C2orf76: variants seen among roughly 807,000 people sequenced by gnomAD.
The protein encoded by C2orf76 is chromosome 2 open reading frame 76, also known as UPF0538 protein C2orf76.
In C2orf76, 23 loss-of-function variants were observed where a neutral mutation model predicts 16.9. The ratio of observed to expected loss-of-function variants is 1.36; its 90% confidence interval spans 0.98 to 1.93. The LOEUF (loss-of-function observed/expected upper bound fraction) is 1.93, where lower values mean the gene tolerates loss of function less well. Among genes scored for constraint, C2orf76 ranks in the 30% most tolerant of loss-of-function variants. C2orf76 has a pLI of 0.00. For synonymous variants in C2orf76, 48 were observed against 52.3 expected (o/e 0.92, Z 0.35); for missense variants, 152 against 152.6 (o/e 1.00, Z 0.02).
At chr2:119,320,282 T>C (rs1414524778) in intron 3 of C2orf76, among the ~76,000 whole-genome samples, 1 of 152,178 alleles carries the variant, frequency 6.6e-6, no homozygotes, top group African/African-American at 2.4e-5. Context: ...TGATTCAAGT[T>C]TAAGGCTATA....
the C2orf76 span, among the ~76,000 whole-genome samples, chr2:119,288,656 G>A: frequency 1.3e-5 from 2 of 152,130 alleles, no homozygotes; most frequent in East Asian, 3.9e-4. Context: ...GGGTGGAATT[G>A]TAAGAGCAGA....
chr2:119,339,111 T>A (rs1281217506), intron 2 of C2orf76: 1 of 152,138 alleles, frequency 6.6e-6, no homozygotes, highest in Non-Finnish European at 1.5e-5. Context: ...CATGTCAAAG[T>A]AAAAAAATTA....
intron 1 of C2orf76, among the ~76,000 whole-genome samples, chr2:119,357,256 A>C (rs1680600191): frequency 6.9e-6 from 1 of 145,670 alleles, no homozygotes; most frequent in Non-Finnish European, 1.6e-5. Context: ...ATTACTAAAA[A>C]AAAGACAACA....
chr2:119,337,695 C>CA (rs1372077518), intron 2 of C2orf76, among the ~76,000 whole-genome samples: 2 of 152,084 alleles, frequency 1.3e-5, no homozygotes, highest in Non-Finnish European at 2.9e-5. Flanking sequence ...GTCTGTACCC[C>CA]AAAAGTTCAC....
chr2:119,311,773 G>C, intron 4 of C2orf76, 70 bp from the exon 5 acceptor site: 1 of 1,369,426 alleles, frequency 7.3e-7, no homozygotes, highest in Non-Finnish European at 1.0e-6. Context: ...ACTTCTCAAA[G>C]ACACAGAGTT....
At chr2:119,317,731 C>T (rs1679219271) in intron 3 of C2orf76, among the ~76,000 whole-genome samples, 1 of 133,444 alleles carries the variant, frequency 7.5e-6, no homozygotes, top group Admixed American at 6.9e-5. Flanking sequence ...TGACACACAG[C>T]AGTGTGTGTG....
rs779051731 is a variant in C2orf76 at position 119,302,478 on chromosome 2, G to A, written c.375C>T (p.Ser125=). Residue 125 remains serine (S), a synonymous_variant, in exon 6 of 6, where the codon TCC becomes TCT. Transcript: ENST00000334816. ...GGAAGCCCTCGAGATGTTTTCACCA[G>A]GATGAAATGGGATTAGCTTTGTAGT... ...YKNYKANPIS[S]W 1.5e-6 allele frequency: 2 copies of A among 1,359,112 alleles called. No homozygotes were observed. The highest frequency in any genetic ancestry group is 1.5e-5 in the African/African-American group (1 of 67,256). 84.2% of individuals were successfully genotyped at this position (1,359,112 alleles called of 1,614,324 possible). A position where few individuals can be genotyped will look rare whatever the true frequency, so the allele number is the denominator to read the frequency against.
chr2:119,341,508 G>C (rs1573664965), intron 1 of C2orf76, among the ~76,000 whole-genome samples: 1 of 152,106 alleles, frequency 6.6e-6, no homozygotes, highest in African/African-American at 2.4e-5. Flanking sequence ...TTACATACAT[G>C]GTGTATTATA....
chr2:119,354,210 T>C (rs1424449316), intron 1 of C2orf76, among the ~76,000 whole-genome samples: 6 of 152,176 alleles, frequency 3.9e-5, no homozygotes, highest in Non-Finnish European at 8.8e-5. Flanking sequence ...AAACTCAGCA[T>C]TTATAAACTA....
chr2:119,311,043 G>T, intron 5 of C2orf76: 2 of 543,670 alleles, frequency 3.7e-6, no homozygotes, highest in Non-Finnish European at 4.7e-6. Flanking sequence ...CATATACGTA[G>T]AATAACAGTG....
At chr2:119,309,079 G>A (rs1033014449) in intron 5 of C2orf76, among the ~76,000 whole-genome samples, 9 of 152,136 alleles carry the variant, frequency 5.9e-5, no homozygotes, top group African/African-American at 2.2e-4. Context: ...TTTTCATAGA[G>A]ATGAGCATGC....
chr2:119,282,915 C>CG, the C2orf76 span, among the ~76,000 whole-genome samples: 1 of 152,168 alleles, frequency 6.6e-6, no homozygotes, highest in Non-Finnish European at 1.5e-5. Context: ...CTCAAGGCTG[C>CG]GGGGGGAAAC....
the C2orf76 span, among the ~76,000 whole-genome samples, chr2:119,287,906 C>A: frequency 6.6e-6 from 1 of 151,846 alleles, no homozygotes; most frequent in South Asian, 2.1e-4. Flanking sequence ...TATACATTAC[C>A]CTCAAATATT....
intron 1 of C2orf76, among the ~76,000 whole-genome samples, chr2:119,340,793 C>T (rs1267469696): frequency 1.4e-5 from 2 of 138,984 alleles, no homozygotes; most frequent in African/African-American, 2.9e-5. Context: ...CACACACACA[C>T]ACACACACAA....
chr2:119,325,624 A>G (rs1679486674), intron 2 of C2orf76, among the ~76,000 whole-genome samples: 1 of 152,206 alleles, frequency 6.6e-6, no homozygotes, highest in Admixed American at 6.5e-5. Context: ...CTCCAAAAAA[A>G]GGAAAGAAAT....
At chr2:119,366,553 A>C (rs555553020) in intron 1 of C2orf76, 1 of 467,152 alleles carries the variant, frequency 2.1e-6, no homozygotes, top group South Asian at 1.6e-5. Flanking sequence ...CCAAGGGAGG[A>C]GCGGGTCCCG....
chr2:119,340,090 C>T, intron 1 of C2orf76, 119 bp from the exon 2 acceptor site: 1 of 1,143,174 alleles, frequency 8.7e-7, no homozygotes, highest in Non-Finnish European at 1.2e-6. Flanking sequence ...GCTGCATGAT[C>T]ACTGACAGAG....
At chr2:119,356,190 G>A (rs570428842) in intron 1 of C2orf76, among the ~76,000 whole-genome samples, 87 of 152,194 alleles carry the variant, frequency 5.7e-4, no homozygotes, top group African/African-American at 2.0e-3. Context: ...ATCACTTGAG[G>A]TCAGGAGTTC....
At chr2:119,292,751 T>C in the C2orf76 span, among the ~76,000 whole-genome samples, 1 of 152,124 alleles carries the variant, frequency 6.6e-6, no homozygotes, top group African/African-American at 2.4e-5. Flanking sequence ...AATACAATCT[T>C]AGGCCAGGTG....
Sources: allele counts gnomAD v4.1 joint callset (sites outside exome capture counted in the v4.1 genomes callset), GRCh38; gene constraint gnomAD v4.1.1; transcripts MANE v1.5; gene names NCBI Gene and HGNC (gene_info 2026-07-23, HGNC 2026-07-21).